FBXO31: variants seen among roughly 807,000 people sequenced by gnomAD.
FBXO31 encodes F-box protein 31.
A neutral mutation model predicts 54.4 loss-of-function variants in FBXO31; 24 were observed. The observed-to-expected ratio is 0.44, with a 90% confidence interval of 0.32 to 0.62. FBXO31 has a LOEUF of 0.62. Ranked by LOEUF, FBXO31 falls within the 20% of genes least tolerant of loss-of-function variation. The probability of loss-of-function intolerance (pLI) is 0.05; values close to 1 mark genes in which losing one functional copy is unlikely to be tolerated. For missense variants in FBXO31, 665 were observed against 787.1 expected (o/e 0.84, Z 1.86); for synonymous variants, 388 against 335.6 (o/e 1.16, Z -1.71).
At position 87,383,507 on chromosome 16, in the gene FBXO31, C is replaced by A; in HGVS notation, c.238G>T (p.Ala80Ser). Reference sequence around the variant, plus strand: ...GGTAGGTCCGTGCCCGGCAGCGACGCGAAGATCTCCACCAGCAGCTCGGGC... The same window carrying A: ...GGTAGGTCCGTGCCCGGCAGCGACGAGAAGATCTCCACCAGCAGCTCGGGC... ...LPPELLVEIF[A>S]SLPGTDLPSL... is the part of the protein sequence containing the mutation. Residue 80 changes from alanine to serine, a missense_variant, in exon 1 of 9, where the codon GCG becomes TCG. Ala to Ser is a moderately conservative substitution (Grantham distance 99). Around this residue, in one of 4 missense-constraint regions of FBXO31, gnomAD observed 195 missense variants for 174.8 expected, o/e 1.12. Transcript: ENST00000311635. The surrounding 1 kb of genome is among the most constrained non-coding windows in gnomAD (Gnocchi z 4.9). 1 of 1,586,838 alleles carries A rather than the reference C, an allele frequency of 6.3e-7. No individual in the cohort carries two copies. The highest frequency in any genetic ancestry group is 8.5e-7 in the Non-Finnish European group (1 of 1,170,456).
At chr16:87,374,183 C>T (rs762051757) in intron 1 of FBXO31, among the ~76,000 whole-genome samples, 1 of 151,420 alleles carries the variant, frequency 6.6e-6, no homozygotes, top group Non-Finnish European at 1.5e-5. Flanking sequence ...TCAAAGTTGC[C>T]GTGAGCCATG....
intron 2 of FBXO31, among the ~76,000 whole-genome samples, chr16:87,352,268 T>C (rs2150680594): frequency 6.6e-6 from 1 of 152,304 alleles, no homozygotes; most frequent in African/African-American, 2.4e-5. Context: ...ACCAACAACC[T>C]TATTTCTGCT....
At chr16:87,379,530 C>T (rs1394258442) in intron 1 of FBXO31, among the ~76,000 whole-genome samples, 1 of 152,196 alleles carries the variant, frequency 6.6e-6, no homozygotes, top group East Asian at 1.9e-4. Context: ...CCCAGGTTTT[C>T]CGCATTGTGC....
intron 1 of FBXO31, among the ~76,000 whole-genome samples, chr16:87,381,347 C>T (rs747825796): frequency 1.8e-4 from 28 of 152,120 alleles, no homozygotes; most frequent in Non-Finnish European, 3.2e-4. Flanking sequence ...TAAAAATAGC[C>T]AAGAATCATC....
intron 1 of FBXO31, among the ~76,000 whole-genome samples, chr16:87,378,332 T>C (rs939160427): frequency 1.3e-5 from 2 of 152,102 alleles, no homozygotes; most frequent in South Asian, 2.1e-4. Context: ...AAATGCAAAA[T>C]AAAATGGCAC....
rs1310391231 is a variant in FBXO31 at position 87,335,374 on chromosome 16, T to C, written c.926A>G (p.Tyr309Cys). ...LIKPGLFKGT[Y>C]GSHGLEIVML... is the part of the protein sequence containing the mutation. ...CACAATCTCCAGGCCGTGGCTGCCA[T>C]AGGTACCTTTGAAGAGGCCAGGCTT... Residue 309 changes from tyrosine (Y) to cysteine (C), a missense_variant, in exon 7 of 9, where the codon TAT becomes TGT. By Grantham distance (194) the Tyr-to-Cys change is radical. Transcript: ENST00000311635. This position sits in a 1 kb window ranked among gnomAD's most constrained non-coding sequence, Gnocchi z 5.7. 1.9e-6 allele frequency: 3 copies of C among 1,613,942 alleles called. No homozygotes were observed. The highest frequency in any genetic ancestry group is 2.2e-5 in the South Asian group (2 of 91,088).
chr16:87,356,422 T>C (rs1905895174), intron 2 of FBXO31, among the ~76,000 whole-genome samples: 1 of 151,956 alleles, frequency 6.6e-6, no homozygotes, highest in South Asian at 2.1e-4. Flanking sequence ...CCCCTCCTTT[T>C]CCACCTCGGC....
chr16:87,344,630 T>G (rs1463105943), intron 3 of FBXO31, among the ~76,000 whole-genome samples: 1 of 151,960 alleles, frequency 6.6e-6, no homozygotes, highest in Non-Finnish European at 1.5e-5. Flanking sequence ...CACTGCTTTT[T>G]GTTTTTTGGG....
At chr16:87,357,877 A>G (rs1597370766) in intron 2 of FBXO31, among the ~76,000 whole-genome samples, 1 of 150,918 alleles carries the variant, frequency 6.6e-6, no homozygotes, top group East Asian at 1.9e-4. Context: ...AGGTTGTGAC[A>G]CTGCACTCCA....
At chr16:87,331,803 G>T (rs541556641) in intron 8 of FBXO31, among the ~76,000 whole-genome samples, 1 of 152,220 alleles carries the variant, frequency 6.6e-6, no homozygotes, top group East Asian at 1.9e-4. Context: ...ACCCGTGAGG[G>T]ATTCACCCAC....
At position 87,330,772 on chromosome 16, in the gene FBXO31, G is replaced by A. The variant is rs17771103; in HGVS notation, c.*516C>T. 22,647 of 157,734 alleles carry A rather than the reference G, an allele frequency of 0.14. 1,948 individuals carry two copies. The highest frequency in any genetic ancestry group is 0.33 in the South Asian group (1,774 of 5,296). The allele number at this position is 157,734 out of a possible 1,614,324, so 9.8% of individuals were successfully genotyped here. On this transcript the variant is annotated 3_prime_UTR_variant, in exon 9 of 9. Coordinates refer to ENST00000311635, the MANE Select transcript of FBXO31 (RefSeq NM_024735.5). ...TACCAACTTCCCGAGCTTGCTCTGC[G>A]TACTGTGCCCATCACACCTGCGCTG...
Position 87,342,962 on chromosome 16 carries a change from T to C in FBXO31, c.658-11A>G, listed in dbSNP as rs1209672588. The C allele has an allele frequency of 1.9e-6, 3 of 1,600,842 alleles. No individual in the cohort carries two copies. Among genetic ancestry groups the C allele is most frequent in the East Asian group, 4.5e-5 (2 of 44,516 alleles). On this transcript the variant is annotated splice_polypyrimidine_tract_variant and intron_variant, in intron 4 of 8. Transcript: ENST00000311635. Reference sequence around the variant, plus strand: ...ATCCTTCTTCACAATCTTCAGTGTTTGCAACACAAGGAAAGAGAAGAGTGA... The same window carrying C: ...ATCCTTCTTCACAATCTTCAGTGTTCGCAACACAAGGAAAGAGAAGAGTGA...
At chr16:87,380,731 C>T (rs1414088792) in intron 1 of FBXO31, among the ~76,000 whole-genome samples, 6 of 152,186 alleles carry the variant, frequency 3.9e-5, no homozygotes, top group Non-Finnish European at 8.8e-5. Context: ...TTCTACATCA[C>T]GGTGTCTGGT....
intron 1 of FBXO31, among the ~76,000 whole-genome samples, chr16:87,377,602 G>A (rs1361782735): frequency 6.6e-6 from 1 of 152,148 alleles, no homozygotes; most frequent in Non-Finnish European, 1.5e-5. Context: ...AAGGTGGGCA[G>A]ATCACTTGAG....
intron 1 of FBXO31, among the ~76,000 whole-genome samples, chr16:87,378,407 G>A (rs1906923441): frequency 6.6e-6 from 1 of 152,160 alleles, no homozygotes; most frequent in Non-Finnish European, 1.5e-5. Flanking sequence ...TTTTAAAGAG[G>A]AATCATTAAA....
chr16:87,360,689 T>A (rs1376995755), intron 1 of FBXO31, among the ~76,000 whole-genome samples: 3 of 152,232 alleles, frequency 2.0e-5, no homozygotes, highest in Admixed American at 6.5e-5. Flanking sequence ...TGAGGCAGAA[T>A]TCAGTTGTCT....
intron 2 of FBXO31, among the ~76,000 whole-genome samples, chr16:87,347,671 C>T (rs1194241693): frequency 7.5e-6 from 1 of 133,772 alleles, no homozygotes; most frequent in African/African-American, 2.9e-5. Context: ...CAGAGGGAAA[C>T]TCAGTCTCCA....
chr16:87,372,152 A>G (rs1257153940), intron 1 of FBXO31, among the ~76,000 whole-genome samples: 2 of 152,132 alleles, frequency 1.3e-5, no homozygotes, highest in Non-Finnish European at 2.9e-5. Flanking sequence ...TGAACCCAGG[A>G]TGTGGAGGTG....
At chr16:87,350,128 C>G (rs764320425) in intron 2 of FBXO31, among the ~76,000 whole-genome samples, 3 of 152,052 alleles carry the variant, frequency 2.0e-5, no homozygotes, top group Non-Finnish European at 4.4e-5. Context: ...TCTCGGGGCT[C>G]TGCAGGCAGT....
Sources: allele counts gnomAD v4.1 joint callset (sites outside exome capture counted in the v4.1 genomes callset), GRCh38; gene constraint gnomAD v4.1.1; regional missense constraint gnomAD v4.1.1; non-coding constraint Gnocchi (gnomAD v3.1); transcripts MANE v1.5; gene names NCBI Gene and HGNC (gene_info 2026-07-23, HGNC 2026-07-21).